The following SGK1 variants were observed in gnomAD, a reference collection of about 807,000 sequenced individuals.
The protein encoded by SGK1 is serine/threonine-protein kinase Sgk1.
SGK1 carries 26 observed loss-of-function variants against 64.2 expected under a neutral mutation model. The ratio of observed to expected loss-of-function variants is 0.40; its 90% CI spans 0.30 to 0.56. The LOEUF (loss-of-function observed/expected upper bound fraction) is 0.56, where lower values mean the gene tolerates loss of function less well. Ranked by LOEUF, SGK1 falls within the 20% of genes least tolerant of loss-of-function variation. The pLI, the probability that SGK1 is intolerant of heterozygous loss-of-function variation, is 0.38. For synonymous variants in SGK1, 265 were observed against 239.7 expected (o/e 1.11, Z -0.98); for missense variants, 519 against 645.6 (o/e 0.80, Z 2.12).
intron 2 of SGK1, among the ~76,000 whole-genome samples, chr6:134,228,907 G>A (rs183508406): frequency 6.7e-6 from 1 of 149,838 alleles, no homozygotes; most frequent in Non-Finnish European, 1.5e-5. Context: ...GCAGTGGCGC[G>A]ATCTCCGTTC....
intron 2 of SGK1, among the ~76,000 whole-genome samples, chr6:134,220,276 T>C (rs2114701358): frequency 6.6e-6 from 1 of 152,210 alleles, no homozygotes; most frequent in South Asian, 2.1e-4. Flanking sequence ...AGAATCATAG[T>C]ATTTTGTGGC....
At chr6:134,275,776 T>G (rs1779834941) in intron 1 of SGK1, among the ~76,000 whole-genome samples, 1 of 152,214 alleles carries the variant, frequency 6.6e-6, no homozygotes, top group Admixed American at 6.5e-5. Flanking sequence ...ATCATTTACT[T>G]TGCAGTTCTC....
intron 3 of SGK1, among the ~76,000 whole-genome samples, chr6:134,178,850 C>T (rs1050219155): frequency 6.6e-6 from 1 of 152,122 alleles, no homozygotes; most frequent in Non-Finnish European, 1.5e-5. Context: ...ATTTATGTCT[C>T]GGTGCTGGGA....
intron 13 of SGK1, 24 bp downstream of exon 13, chr6:134,170,802 C>T (rs748989081): frequency 6.8e-7 from 1 of 1,471,820 alleles, no homozygotes; most frequent in East Asian, 2.3e-5. Flanking sequence ...CTTCTCTATA[C>T]TTAGAAGAGA....
intron 1 of SGK1, among the ~76,000 whole-genome samples, chr6:134,302,874 C>G (rs933634731): frequency 6.6e-6 from 1 of 151,942 alleles, no homozygotes. Context: ...CCTGCCTCAG[C>G]CTCCCCACTA....
chr6:134,219,722 T>C (rs1280935191), intron 2 of SGK1, among the ~76,000 whole-genome samples: 1 of 142,802 alleles, frequency 7.0e-6, no homozygotes, highest in Non-Finnish European at 1.5e-5. Context: ...ATTGCGTCAT[T>C]GCACTCCAGC....
chr6:134,207,495 C>T (rs1032127897), intron 2 of SGK1, 64 bp from the exon 3 acceptor site: 14 of 1,097,474 alleles, frequency 1.3e-5, no homozygotes, highest in Non-Finnish European at 1.8e-5. Context: ...CTATTTTAGG[C>T]TTATAGTTCT....
chr6:134,274,092 C>T (rs1304512523), intron 1 of SGK1, among the ~76,000 whole-genome samples: 1 of 152,122 alleles, frequency 6.6e-6, no homozygotes. Flanking sequence ...CAACCTCCGC[C>T]TCCCAGGTTC....
chr6:134,307,751 G>A (rs1777555164), intron 1 of SGK1, among the ~76,000 whole-genome samples: 1 of 152,018 alleles, frequency 6.6e-6, no homozygotes, highest in African/African-American at 2.4e-5. Context: ...CCACAGATGT[G>A]GAACCCGTGA....
At chr6:134,175,406 G>A in intron 3 of SGK1, 1 of 1,278,684 alleles carries the variant, frequency 7.8e-7, no homozygotes, top group Non-Finnish European at 1.0e-6. Context: ...GCCTGCGCGC[G>A]CGACCTCGCC....
intron 3 of SGK1, among the ~76,000 whole-genome samples, chr6:134,197,290 G>A (rs947882942): frequency 1.3e-5 from 2 of 152,036 alleles, no homozygotes; most frequent in African/African-American, 4.8e-5. Flanking sequence ...ATTATTTTGG[G>A]GAGTAGTGGA....
intron 2 of SGK1, among the ~76,000 whole-genome samples, chr6:134,244,626 C>T (rs1433160754): frequency 2.6e-5 from 4 of 152,148 alleles, no homozygotes; most frequent in Non-Finnish European, 4.4e-5. Flanking sequence ...TGCTTCTGCT[C>T]GCCCTCCATG....
chr6:134,296,776 CAAAAAAAA>C (rs869144600), intron 1 of SGK1, among the ~76,000 whole-genome samples: 33 of 66,734 alleles, frequency 4.9e-4, no homozygotes, highest in African/African-American at 1.3e-3. Flanking sequence ...TATTTTGGAC[CAAAAAAAA>C]AAAAAAAAAA....
intron 8 of SGK1, 93 bp downstream of exon 8, chr6:134,172,930 C>T: frequency 1.4e-6 from 2 of 1,422,126 alleles, no homozygotes; most frequent in Non-Finnish European, 1.9e-6. Context: ...TAACATTCTC[C>T]CCACCAAAAA....
chr6:134,244,996 G>C (rs1237411988), intron 2 of SGK1, among the ~76,000 whole-genome samples: 1 of 152,176 alleles, frequency 6.6e-6, no homozygotes, highest in African/African-American at 2.4e-5. Flanking sequence ...GGCTGGTCTT[G>C]AACTCCTGAC....
chr6:134,303,989 C>T (rs571920487), intron 1 of SGK1, among the ~76,000 whole-genome samples: 45 of 152,222 alleles, frequency 3.0e-4, no homozygotes, highest in African/African-American at 1.1e-3. Flanking sequence ...CTTATGAGAT[C>T]GTCAGCTTCC....
At chr6:134,180,046 T>C (rs1029631367) in intron 3 of SGK1, among the ~76,000 whole-genome samples, 2 of 152,110 alleles carry the variant, frequency 1.3e-5, no homozygotes, top group East Asian at 3.9e-4. Flanking sequence ...CTCAACCTCC[T>C]GGGTTCAAGT....
chr6:134,262,068 C>A lies in SGK1; in HGVS notation c.150G>T (p.Met50Ile), dbSNP rs747295038. The A allele has an allele frequency of 4.3e-6, 7 of 1,613,668 alleles. No individual in the cohort carries two copies. Among genetic ancestry groups the A allele is most frequent in the Non-Finnish European group, 5.9e-6 (7 of 1,179,690 alleles). Residue 50 changes from methionine (M) to isoleucine (I), a missense_variant, in exon 2 of 14, where the codon ATG becomes ATT. Around this residue, in one of 2 missense-constraint regions of SGK1, gnomAD observed 241 missense variants for 236.9 expected, o/e 1.02. Coordinates refer to ENST00000367858, the MANE Select transcript of SGK1 (RefSeq NM_001143676.3). ...CTGGCTCCCCTGGAGGGATGTGCAC[C>A]ATGGAGGAGCCGGTGTACTTCAGGC... ...SPSLKYTGSS[M>I]VHIPPGEPDF...
At chr6:134,296,557 A>G (rs899246374) in intron 1 of SGK1, among the ~76,000 whole-genome samples, 5 of 152,104 alleles carry the variant, frequency 3.3e-5, no homozygotes, top group African/African-American at 1.2e-4. Context: ...CCCGGACTCA[A>G]GCAACCCTCT....
Sources: allele counts gnomAD v4.1 joint callset (sites outside exome capture counted in the v4.1 genomes callset), GRCh38; gene constraint gnomAD v4.1.1; regional missense constraint gnomAD v4.1.1; transcripts MANE v1.5; gene names NCBI Gene and HGNC (gene_info 2026-07-23, HGNC 2026-07-21).